Variants in PSD3 observed in about 807,000 individuals in gnomAD.
PSD3 encodes the protein pleckstrin and Sec7 domain containing 3, also known as PH and SEC7 domain-containing protein 3.
PSD3 carries 49 observed loss-of-function variants against 105.5 expected under a neutral mutation model. The ratio of observed to expected loss-of-function variants is 0.46; its 90% CI spans 0.37 to 0.59. The LOEUF (loss-of-function observed/expected upper bound fraction) is 0.59. Among genes scored for constraint, PSD3 ranks in the 20% least tolerant of loss-of-function variants. The pLI, the probability that PSD3 is intolerant of heterozygous loss-of-function variation, is 0.00. For missense variants in PSD3, 1,561 were observed against 1,263.8 expected, an observed-to-expected ratio of 1.24 and a Z score of -3.57; for synonymous variants, 557 against 457.8, an observed-to-expected ratio of 1.22 and a Z score of -2.77.
chr8:18,713,644 T>C (rs1802392699), intron 9 of PSD3, among the ~76,000 whole-genome samples: 1 of 151,974 alleles, frequency 6.6e-6, no homozygotes, highest in African/African-American at 2.4e-5. Flanking sequence ...TGCAAACAAA[T>C]GAAAAAACGT....
chr8:18,555,165 G>C (rs1800991664), intron 15 of PSD3, among the ~76,000 whole-genome samples: 1 of 152,098 alleles, frequency 6.6e-6, no homozygotes, highest in Non-Finnish European at 1.5e-5. Flanking sequence ...GATTTAGGAT[G>C]AACGGAAGGA....
intron 11 of PSD3, among the ~76,000 whole-genome samples, chr8:18,609,969 T>C (rs1805129883): frequency 6.6e-6 from 1 of 152,208 alleles, no homozygotes. Flanking sequence ...ATTCAGCAAG[T>C]GACAGTATTA....
At chr8:18,563,731 C>T (rs978055493) in intron 14 of PSD3, among the ~76,000 whole-genome samples, 1 of 151,990 alleles carries the variant, frequency 6.6e-6, no homozygotes, top group African/African-American at 2.4e-5. Flanking sequence ...AAAATCTATC[C>T]ATTCAGGAAA....
chr8:18,860,531 T>C (rs1300164620), intron 4 of PSD3, among the ~76,000 whole-genome samples: 4 of 152,030 alleles, frequency 2.6e-5, no homozygotes, highest in African/African-American at 9.7e-5. Flanking sequence ...CCTGTAGCTC[T>C]GTATTTCAGT....
chr8:18,870,252 A>T lies in PSD3; in HGVS notation c.1238+1374T>A, dbSNP rs1285676662. Reference sequence around the variant, plus strand: ...GATGCTCTCCCGTATAAACTATAAAATGTGGTGTCATGAGGGCTGACAGAA... The same window carrying T: ...GATGCTCTCCCGTATAAACTATAAATTGTGGTGTCATGAGGGCTGACAGAA... On this transcript the variant is annotated intron_variant, in intron 3 of 15. Coordinates refer to ENST00000327040, the MANE Select transcript of PSD3 (RefSeq NM_015310.4). Among the ~76,000 whole-genome samples, 4 of 152,184 alleles carry T rather than the reference A, an allele frequency of 2.6e-5. 1 individual carries two copies.
In PSD3 at chr8:18,632,670, C is replaced by T; in HGVS notation, c.2353G>A (p.Val785Met). Reference sequence around the variant, plus strand: ...CGAGCCAAGAATCCACTTTTGTACACAGCAGCATTTGGATCATGAGGAATG... The same window carrying T: ...CGAGCCAAGAATCCACTTTTGTACATAGCAGCATTTGGATCATGAGGAATG... ...LDIPHDPNAA[V>M]YKSGFLARKI... The change falls in exon 11 of 16, where the codon GTG becomes ATG. Residue 785 changes from valine (V) to methionine (M), a missense_variant. Coordinates refer to ENST00000327040, the MANE Select transcript of PSD3 (RefSeq NM_015310.4). The T allele has an allele frequency of 3.1e-6, 5 of 1,612,796 alleles. No homozygotes were observed. The highest frequency in any genetic ancestry group is 4.2e-6 in the Non-Finnish European group (5 of 1,179,140).
chr8:18,555,819 C>T lies in PSD3; in HGVS notation c.2928+390G>A, dbSNP rs148466848. Among the ~76,000 whole-genome samples, 4 of 152,306 alleles carry T rather than the reference C, an allele frequency of 2.6e-5. No individual in the cohort carries two copies. The East Asian group carries it at 7.7e-4, about 29-fold the overall frequency. ...TGTGCAGGGAAAAGCTGATGCCTCA[C>T]ATCAACTATGTGGCTCATTTCCTCC... On this transcript the variant is annotated intron_variant, in intron 15 of 15. Coordinates refer to ENST00000327040, the MANE Select transcript of PSD3 (RefSeq NM_015310.4).
At chr8:18,971,606 G>A (rs1824656770) in intron 1 of PSD3, among the ~76,000 whole-genome samples, 1 of 152,178 alleles carries the variant, frequency 6.6e-6, no homozygotes, top group Non-Finnish European at 1.5e-5. Context: ...CCTCACATCT[G>A]CCTTTGAGTC....
intron 4 of PSD3, among the ~76,000 whole-genome samples, chr8:18,862,652 T>C (rs1336528844): frequency 2.6e-5 from 4 of 151,782 alleles, no homozygotes; most frequent in African/African-American, 9.7e-5. Context: ...TTCACTAATG[T>C]CACATTATTT....
chr8:18,579,962 G>A (rs888102743), intron 12 of PSD3, among the ~76,000 whole-genome samples: 1 of 152,116 alleles, frequency 6.6e-6, no homozygotes, highest in East Asian at 1.9e-4. Flanking sequence ...GTTACTTGGA[G>A]CTATGTGGAA....
At position 18,684,243 on chromosome 8, in the gene PSD3, C is replaced by CACACACACACAG. The variant is rs1249401646; in HGVS notation, c.2173-28559_2173-28558insCTGTGTGTGTGT. The stretch of plus-strand genomic sequence containing the variant: ...ACACACACACACACACACACACACA[C>CACACACACACAG]ACACACACCCCATCATATTCACACA... On this transcript the variant is annotated intron_variant, in intron 9 of 15. Coordinates refer to ENST00000327040, the MANE Select transcript of PSD3 (RefSeq NM_015310.4). The CACACACACACAG allele has an allele frequency of 7.5e-4, 159 of 210,922 alleles. 1 individual carries two copies. The highest frequency in any genetic ancestry group is 3.6e-3 in the African/African-American group (154 of 43,084). 13.1% of individuals were successfully genotyped at this position (210,922 alleles called of 1,614,324 possible).
At chr8:18,831,917 G>A (rs182210881) in intron 4 of PSD3, among the ~76,000 whole-genome samples, 130 of 152,090 alleles carry the variant, frequency 8.5e-4, no homozygotes, top group African/African-American at 3.0e-3. Flanking sequence ...AATAGAAAAA[G>A]TATGGGAAGA....
At chr8:19,074,821 C>T (rs1249893166) in intron 1 of PSD3, among the ~76,000 whole-genome samples, 2 of 151,366 alleles carry the variant, frequency 1.3e-5, no homozygotes, top group Non-Finnish European at 2.9e-5. Context: ...GGGGTTTCAC[C>T]GTGTTAGCCA....
chr8:18,855,638 C>A (rs1492289), intron 4 of PSD3, among the ~76,000 whole-genome samples: 2 of 151,964 alleles, frequency 1.3e-5, no homozygotes, highest in Non-Finnish European at 2.9e-5. Flanking sequence ...AGAACTCAGA[C>A]ACAATGGCCA....
At chr8:19,032,766 A>C (rs893793092) in intron 1 of PSD3, among the ~76,000 whole-genome samples, 5 of 152,166 alleles carry the variant, frequency 3.3e-5, no homozygotes, top group African/African-American at 9.7e-5. Context: ...AATATTAGTA[A>C]CTTATAGCTG....
chr8:18,774,392 T>G lies in PSD3; in HGVS notation c.2083-8854A>C, dbSNP rs1395582418. 3.3e-5 allele frequency among the ~76,000 whole-genome samples: 5 copies of G among 152,326 alleles called. No individual in the cohort carries two copies. In the South Asian group the frequency reaches 1.0e-3, roughly 32 times the overall value. ...TGTGTTGGGAACATTTCAATTGCTC[T>G]CCACCAGTTATTTTAAGATATACAA... On this transcript the variant is annotated intron_variant, in intron 8 of 15. Transcript: ENST00000327040.
chr8:18,953,008 A>G (rs774043923), intron 1 of PSD3, among the ~76,000 whole-genome samples: 8 of 152,246 alleles, frequency 5.3e-5, no homozygotes, highest in African/African-American at 1.9e-4. Flanking sequence ...AATATCTAAT[A>G]TATAACAAAC....
intron 8 of PSD3, among the ~76,000 whole-genome samples, chr8:18,785,247 T>G (rs10100475): frequency 0.1 from 15,520 of 152,206 alleles, 1,156 homozygotes; most frequent in East Asian, 0.34. Flanking sequence ...ACCCTTATTA[T>G]AAAATGTTCT....
intron 11 of PSD3, among the ~76,000 whole-genome samples, chr8:18,610,958 G>A (rs746283260): frequency 2.0e-5 from 3 of 152,118 alleles, no homozygotes; most frequent in Admixed American, 6.5e-5. Context: ...AATCTACTAC[G>A]ATGTGCCATA....
Sources: allele counts gnomAD v4.1 joint callset (sites outside exome capture counted in the v4.1 genomes callset), GRCh38; gene constraint gnomAD v4.1.1; transcripts MANE v1.5; gene names NCBI Gene and HGNC (gene_info 2026-07-23, HGNC 2026-07-21).